Variants in TIAM1 observed in about 807,000 individuals in gnomAD.
TIAM1 encodes TIAM Rac1 associated GEF 1, also known as rho guanine nucleotide exchange factor TIAM1.
In TIAM1, 65 loss-of-function variants were observed where a neutral mutation model predicts 163.5. That is an observed-to-expected ratio of 0.40 (90% CI 0.33 to 0.49). TIAM1 has a LOEUF of 0.49. TIAM1 is among the 20% of genes least tolerant of loss of function. TIAM1 has a pLI of 0.77. For missense variants in TIAM1, 1,789 were observed against 2,044.7 expected, an observed-to-expected ratio of 0.87 and a Z score of 2.41; for synonymous variants, 833 against 810.1, an observed-to-expected ratio of 1.03 and a Z score of -0.48.
chr21:31,403,013 C>A (rs1301572813), intron 2 of TIAM1, among the ~76,000 whole-genome samples: 1 of 152,138 alleles, frequency 6.6e-6, no homozygotes, highest in African/African-American at 2.4e-5. Context: ...CAGGGGCTCA[C>A]AGCACCACGG....
chr21:31,210,288 C>T lies in TIAM1; in HGVS notation c.2218-73G>A. On this transcript the variant is annotated intron_variant, in intron 10 of 27. Transcript: ENST00000541036. The stretch of plus-strand genomic sequence containing the variant: ...CAACCCTAGATTCCCAGACTGCACA[C>T]AGGAATCACCGATTCCCATGAAAAC... The T allele has an allele frequency of 2.7e-6, 4 of 1,502,126 alleles. No homozygotes were observed. In the South Asian group the frequency reaches 3.7e-5, roughly 14 times the overall value. The allele number at this position is 1,502,126 out of a possible 1,614,324, so 93.0% of individuals were successfully genotyped here.
Position 31,453,710 on chromosome 21 carries a change from A to G in TIAM1, c.-369+10273T>C, listed in dbSNP as rs996360575. On this transcript the variant is annotated intron_variant, in intron 2 of 28. Coordinates refer to the TIAM1 transcript ENST00000286827. ...CTCCAGTAAATAAATAAATAAATAA[A>G]TAAATAAATAAATAAATAAATAAAT... Among the ~76,000 whole-genome samples the G allele has an allele frequency of 1.4e-4, 21 of 150,454 alleles. 1 individual carries two copies. Among genetic ancestry groups the G allele is most frequent in the Middle Eastern group, 3.5e-3 (1 of 288 alleles).
chr21:31,439,749 C>T (rs2044353440), intron 2 of TIAM1, among the ~76,000 whole-genome samples: 1 of 152,192 alleles, frequency 6.6e-6, no homozygotes, highest in South Asian at 2.1e-4. Flanking sequence ...TTACTTTACC[C>T]GCATCCTCAA....
At chr21:31,545,725 A>ATCAC (rs1422945228) in intron 1 of TIAM1, among the ~76,000 whole-genome samples, 1 of 152,210 alleles carries the variant, frequency 6.6e-6, no homozygotes, top group Non-Finnish European at 1.5e-5. Context: ...TTGAGATTTA[A>ATCAC]TCACTGGGCT....
chr21:31,330,369 C>T (rs912158701), intron 2 of TIAM1, among the ~76,000 whole-genome samples: 3 of 152,208 alleles, frequency 2.0e-5, no homozygotes, highest in South Asian at 4.1e-4. Flanking sequence ...TTCCAATAAA[C>T]CTGCCATAAA....
chr21:31,385,820 A>T (rs959747543), intron 2 of TIAM1, among the ~76,000 whole-genome samples: 1 of 147,496 alleles, frequency 6.8e-6, no homozygotes, highest in Non-Finnish European at 1.5e-5. Flanking sequence ...TTTAAAATTA[A>T]AATGTTTAAT....
At position 31,442,070 on chromosome 21, in the gene TIAM1, A is replaced by AATAAATAAATATATAT. The variant is rs370046459; in HGVS notation, c.-369+21912_-369+21913insATATATATTTATTTAT. Among the ~76,000 whole-genome samples, 7 of 53,242 alleles carry AATAAATAAATATATAT rather than the reference A, an allele frequency of 1.3e-4. 1 individual carries two copies. Among genetic ancestry groups the AATAAATAAATATATAT allele is most frequent in the African/African-American group, 2.7e-4 (4 of 14,870 alleles). 34.9% of individuals were successfully genotyped at this position (53,242 alleles called of 152,430 possible). A position where few individuals can be genotyped will look rare whatever the true frequency, so the allele number is the denominator to read the frequency against. On this transcript the variant is annotated intron_variant, in intron 2 of 28. Transcript: ENST00000286827. Reference sequence around the variant, plus strand: ...GACCCTATCTCAGAACAAATAAATAAATATATATATATATATAGAACAATA... The same window carrying AATAAATAAATATATAT: ...GACCCTATCTCAGAACAAATAAATAAATAAATAAATATATATATATATATATATATATAGAACAATA...
At chr21:31,454,544 C>T (rs1602319809) in intron 2 of TIAM1, among the ~76,000 whole-genome samples, 1 of 152,100 alleles carries the variant, frequency 6.6e-6, no homozygotes, top group Non-Finnish European at 1.5e-5. Context: ...TCCAACCCAA[C>T]CCAGCAGGGT....
At chr21:31,164,816 T>C in intron 16 of TIAM1, 146 bp downstream of exon 16, 1 of 700,112 alleles carries the variant, frequency 1.4e-6, no homozygotes, top group South Asian at 2.0e-5. Flanking sequence ...TTGGATTTCA[T>C]TTCCTGCTAT....
chr21:31,552,079 A>G (rs1411630815), intron 1 of TIAM1, among the ~76,000 whole-genome samples: 1 of 93,282 alleles, frequency 1.1e-5, no homozygotes, highest in Non-Finnish European at 2.0e-5. Context: ...TTTTTTTGAG[A>G]CGGAGGCTCA....
chr21:31,176,560 C>G (rs1236261109), intron 15 of TIAM1, among the ~76,000 whole-genome samples: 3 of 152,168 alleles, frequency 2.0e-5, no homozygotes, highest in Non-Finnish European at 2.9e-5. Context: ...TCCTGGCTTT[C>G]TAAGCCAACG....
At chr21:31,268,999 G>A (rs551728227) in intron 3 of TIAM1, among the ~76,000 whole-genome samples, 60 of 152,224 alleles carry the variant, frequency 3.9e-4, no homozygotes, top group Non-Finnish European at 1.5e-5. Context: ...TTTAAAAGAG[G>A]AAAGAACTAT....
chr21:31,398,083 C>A (rs1193889600), intron 2 of TIAM1, among the ~76,000 whole-genome samples: 1 of 151,368 alleles, frequency 6.6e-6, no homozygotes, highest in African/African-American at 2.4e-5. Context: ...CCCAACCTCC[C>A]CTCTGCACCA....
chr21:31,262,127 A>G (rs2072512819), intron 4 of TIAM1, among the ~76,000 whole-genome samples: 1 of 152,210 alleles, frequency 6.6e-6, no homozygotes, highest in Non-Finnish European at 1.5e-5. Flanking sequence ...GCAATCTTCA[A>G]CATCACAACT....
At chr21:31,121,140 G>A (rs2073372) in intron 27 of TIAM1, among the ~76,000 whole-genome samples, 98,915 of 151,986 alleles carry the variant, frequency 0.65, 33,837 homozygotes, top group African/African-American at 0.87. Flanking sequence ...ATAATCTACT[G>A]TTCTAGCCTG....
chr21:31,316,979 C>A (rs2075145516), intron 2 of TIAM1, among the ~76,000 whole-genome samples: 1 of 152,138 alleles, frequency 6.6e-6, no homozygotes, highest in Non-Finnish European at 1.5e-5. Context: ...CGTTGCTGTA[C>A]CTCTGAGTCA....
intron 2 of TIAM1, among the ~76,000 whole-genome samples, chr21:31,373,158 C>T (rs865813395): frequency 2.2e-4 from 33 of 151,932 alleles, no homozygotes; most frequent in Admixed American, 1.3e-3. Context: ...CATGGTGGCA[C>T]GTGCCTGTGG....
chr21:31,332,726 G>A (rs845952), intron 2 of TIAM1, among the ~76,000 whole-genome samples: 23,465 of 149,480 alleles, frequency 0.16, 1,956 homozygotes, highest in Non-Finnish European at 0.19. Context: ...CAGGGAACTC[G>A]CGATAAAACA....
At chr21:31,190,144 C>T (rs1017920061) in intron 13 of TIAM1, among the ~76,000 whole-genome samples, 11 of 152,142 alleles carry the variant, frequency 7.2e-5, no homozygotes, top group African/African-American at 2.4e-4. Flanking sequence ...GTGGCTCATG[C>T]CTATAATCCC....
Sources: gnomAD v4.1 joint callset for allele counts (sites outside exome capture counted in the v4.1 genomes callset) on GRCh38, gnomAD v4.1.1 for gene constraint, MANE v1.5 for transcripts, NCBI Gene and HGNC (gene_info 2026-07-23, HGNC 2026-07-21) for gene names.